MED23: variants seen among roughly 807,000 people sequenced by gnomAD.
MED23 encodes mediator complex subunit 23, also known as mediator of RNA polymerase II transcription subunit 23.
In MED23, 105 loss-of-function variants were observed where a neutral mutation model predicts 163.9. That is an observed-to-expected ratio of 0.64 (90% CI 0.55 to 0.75). The LOEUF (loss-of-function observed/expected upper bound fraction) is 0.75, where lower values mean the gene tolerates loss of function less well. MED23 is among the 30% of genes least tolerant of loss of function. The probability of loss-of-function intolerance (pLI) is 0.00; values close to 1 mark genes in which losing one functional copy is unlikely to be tolerated. For synonymous variants in MED23, 561 were observed against 565.6 expected (o/e 0.99, Z 0.12); for missense variants, 1,054 against 1,649.0 (o/e 0.64, Z 6.25).
In MED23 at chr6:131,607,150, T is replaced by G. The variant is rs1775912084; in HGVS notation, c.1222-526A>C. Among the ~76,000 whole-genome samples the G allele has an allele frequency of 3.3e-5, 5 of 151,632 alleles. No individual in the cohort carries two copies. In the South Asian group the frequency reaches 1.0e-3, roughly 32 times the overall value. On this transcript the variant is annotated intron_variant, in intron 12 of 28. Transcript: ENST00000368068. ...AATTGTCCAACATTAACAAAAAAAA[T>G]AAGGAGGAAAGATGAAACAAGAGTA...
downstream of MED23, among the ~76,000 whole-genome samples, chr6:131,585,994 T>C (rs1340357611): frequency 6.6e-6 from 1 of 152,226 alleles, no homozygotes; most frequent in Admixed American, 6.5e-5. Context: ...ATCCTCATTC[T>C]AGGATCAAAA....
downstream of MED23, chr6:131,582,551 T>C (rs1773980757): frequency 8.4e-7 from 1 of 1,184,866 alleles, no homozygotes; most frequent in East Asian, 2.3e-5. Flanking sequence ...CCAATATGTG[T>C]CTTTACCTTT....
intron 30 of MED23, among the ~76,000 whole-genome samples, chr6:131,577,240 A>G (rs756773519): frequency 5.9e-5 from 9 of 152,206 alleles, no homozygotes; most frequent in Non-Finnish European, 1.0e-4. Flanking sequence ...TTACCTTTAC[A>G]TATAAGATTC....
chr6:131,590,216 T>C, intron 27 of MED23, 106 bp downstream of exon 27: 1 of 1,068,940 alleles, frequency 9.4e-7, no homozygotes, highest in South Asian at 1.3e-5. Context: ...TAAACTAGTT[T>C]CACTACTAAT....
intron 7 of MED23, 95 bp downstream of exon 7, chr6:131,620,533 T>C: frequency 1.2e-6 from 1 of 818,530 alleles, no homozygotes; most frequent in South Asian, 1.4e-5. Flanking sequence ...ACTCTTGTCC[T>C]CAAATCATCT....
chr6:131,621,835 ACTTT>A, intron 6 of MED23, 42 bp downstream of exon 6: 1 of 1,339,166 alleles, frequency 7.5e-7, no homozygotes, highest in Non-Finnish European at 1.1e-6. Context: ...ACAAAGCTAG[ACTTT>A]TTTGAGGTTA....
chr6:131,577,012 T>A (rs1184336792), intron 30 of MED23, among the ~76,000 whole-genome samples: 2 of 151,686 alleles, frequency 1.3e-5, no homozygotes, highest in Non-Finnish European at 2.9e-5. Context: ...GGGTGGATGG[T>A]AGGGGAGCCG....
chr6:131,610,169 C>T lies in MED23; in HGVS notation c.954G>A (p.Glu318=), dbSNP rs1383521831. 1.9e-6 allele frequency: 3 copies of T among 1,613,944 alleles called. No homozygotes were observed. The highest frequency in any genetic ancestry group is 4.5e-5 in the East Asian group (2 of 44,890). The change falls in exon 11 of 29, where the codon GAG becomes GAA. Residue 318 remains glutamate, a synonymous_variant. Coordinates refer to ENST00000368068, the MANE Select transcript of MED23 (RefSeq NM_004830.4). ...VVYAMERSET[E]EKFDDGGTSQ... ...TTGTTCCCCCATCGTCAAACTTCTC[C>T]TCGGTCTCAGATCGCTCCATGGCAT...
Position 131,587,205 on chromosome 6 carries a change from T to C in MED23, c.*474A>G. Reference sequence around the variant, plus strand: ...ACAATGCAACAAAATCTAGATTCCTTTTCTTGATATAAATCTCTATTATTC... The same window carrying C: ...ACAATGCAACAAAATCTAGATTCCTCTTCTTGATATAAATCTCTATTATTC... On this transcript the variant is annotated 3_prime_UTR_variant, in exon 29 of 29. Transcript: ENST00000368068. The C allele has an allele frequency of 9.2e-7, 1 of 1,090,294 alleles. No individual in the cohort carries two copies. Among genetic ancestry groups the C allele is most frequent in the East Asian group, 4.9e-5 (1 of 20,204 alleles). 67.5% of individuals were successfully genotyped at this position (1,090,294 alleles called of 1,614,324 possible). A position where few individuals can be genotyped will look rare whatever the true frequency, so the allele number is the denominator to read the frequency against.
chr6:131,579,579 G>A (rs981369396), intron 30 of MED23: 30 of 268,624 alleles, frequency 1.1e-4, no homozygotes, highest in African/African-American at 6.8e-4. Context: ...AGTATGTGAG[G>A]CAATTCATAG....
rs1554258451 is a variant in MED23, at chr6:131,627,689, AAC to A, written c.40-19_40-18del. 11 of 1,598,750 alleles carry A rather than the reference AAC, an allele frequency of 6.9e-6. No homozygotes were observed. Among genetic ancestry groups the A allele is most frequent in the African/African-American group, 2.7e-5 (2 of 73,786 alleles). On this transcript the variant is annotated intron_variant, in intron 1 of 28. Coordinates refer to ENST00000368068, the MANE Select transcript of MED23 (RefSeq NM_004830.4). Reference sequence around the variant, plus strand: ...TTCCGTTTTCTGTAAAAAAAAAAAAAACAAAATGTAAACAATGTTAATTTTAA... The same window carrying A: ...TTCCGTTTTCTGTAAAAAAAAAAAAAAAAATGTAAACAATGTTAATTTTAA...
At chr6:131,621,048 C>T (rs1001677945) in intron 6 of MED23, among the ~76,000 whole-genome samples, 2 of 152,106 alleles carry the variant, frequency 1.3e-5, no homozygotes, top group Non-Finnish European at 2.9e-5. Context: ...ATGAGCCTCC[C>T]GCCTTGGCCT....
chr6:131,598,540 T>C lies in MED23; in HGVS notation c.2426+16A>G, dbSNP rs373483255. 3 of 1,613,966 alleles carry C rather than the reference T, an allele frequency of 1.9e-6. No homozygotes were observed. Among genetic ancestry groups the C allele is most frequent in the Non-Finnish European group, 2.5e-6 (3 of 1,179,880 alleles). On this transcript the variant is annotated intron_variant, in intron 19 of 28. Transcript: ENST00000368068. The surrounding 1 kb of genome is among the most constrained non-coding windows in gnomAD (Gnocchi z 4.7). ...ACAATTTGCCAAATGGAATGCAAAT[T>C]AGGTTTTTGACTTACCTATAGCCAA...
At chr6:131,622,626 T>C (rs957547916) in intron 5 of MED23, among the ~76,000 whole-genome samples, 4 of 152,332 alleles carry the variant, frequency 2.6e-5, no homozygotes, top group Middle Eastern at 3.4e-3. Context: ...TTATGAAGTA[T>C]CATACAAATA....
chr6:131,585,576 T>A (rs1022354911), downstream of MED23, among the ~76,000 whole-genome samples: 5 of 152,174 alleles, frequency 3.3e-5, no homozygotes, highest in Admixed American at 2.6e-4. Flanking sequence ...ATTAAAAAAT[T>A]CAGTTCCACA....
chr6:131,612,613 A>T (rs966417754), intron 10 of MED23, among the ~76,000 whole-genome samples: 1 of 152,146 alleles, frequency 6.6e-6, no homozygotes, highest in African/African-American at 2.4e-5. Flanking sequence ...GTTAGTGTAC[A>T]TCATAACTAT....
In MED23 at chr6:131,594,341, A is replaced by T. The variant is rs1381479770; in HGVS notation, c.2996-6T>A. ...CAGATAAGTCACTGGACGATCTGCC[A>T]AGAAAAAAACATACCACCACAATGT... On this transcript the variant is annotated splice_region_variant and splice_polypyrimidine_tract_variant and intron_variant, in intron 22 of 28. Coordinates refer to ENST00000368068, the MANE Select transcript of MED23 (RefSeq NM_004830.4). 1 of 1,601,728 alleles carries T rather than the reference A, an allele frequency of 6.2e-7. No individual in the cohort carries two copies. Among genetic ancestry groups the T allele is most frequent in the Non-Finnish European group, 8.6e-7 (1 of 1,168,698 alleles).
In MED23 at chr6:131,602,118, T is replaced by C. The variant is rs1458346292; in HGVS notation, c.2095+100A>G. 14 of 1,362,788 alleles carry C rather than the reference T, an allele frequency of 1.0e-5. No homozygotes were observed. In the East Asian group the frequency reaches 2.8e-4, roughly 27 times the overall value. 84.4% of individuals were successfully genotyped at this position (1,362,788 alleles called of 1,614,324 possible). ...AAACAACAGGCTTTTTTCAAACAAA[T>C]GAAAAGTATCTTTTTAGTATGTTAC... On this transcript the variant is annotated intron_variant, in intron 17 of 28. Transcript: ENST00000368068.
chr6:131,579,241 CAAG>C, intron 30 of MED23: 2 of 1,614,022 alleles, frequency 1.2e-6, no homozygotes. Flanking sequence ...TGGCAGAAGT[CAAG>C]AAGAACGGAA....
Sources: gnomAD v4.1 joint callset for allele counts (sites outside exome capture counted in the v4.1 genomes callset) on GRCh38, gnomAD v4.1.1 for gene constraint, Gnocchi (gnomAD v3.1) non-coding constraint, MANE v1.5 for transcripts, NCBI Gene and HGNC (gene_info 2026-07-23, HGNC 2026-07-21) for gene names.